The following RBM28 variants were observed in gnomAD, a reference collection of about 807,000 sequenced individuals.
RBM28 encodes RNA binding motif protein 28.
RBM28 carries 78 observed loss-of-function variants against 98.3 expected under a neutral mutation model. That is an observed-to-expected ratio of 0.79 (90% CI 0.66 to 0.96). The LOEUF (loss-of-function observed/expected upper bound fraction) is 0.96. Ranked by LOEUF, RBM28 falls within the 40% of genes least tolerant of loss-of-function variation. The pLI is 0.00. For synonymous variants in RBM28, 306 were observed against 330.9 expected, an observed-to-expected ratio of 0.92 and a Z score of 0.82; for missense variants, 838 against 913.0, an observed-to-expected ratio of 0.92 and a Z score of 1.06.
At chr7:128,327,912 C>A (rs1796389820) in intron 10 of RBM28, among the ~76,000 whole-genome samples, 2 of 152,210 alleles carry the variant, frequency 1.3e-5, no homozygotes, top group Non-Finnish European at 2.9e-5. Context: ...TTTAAATATT[C>A]TCTCAGATGC....
In RBM28 at chr7:128,339,778, A is replaced by G. The variant is rs146401858; in HGVS notation, c.132T>C (p.Cys44=). 2.5e-5 allele frequency: 40 copies of G among 1,613,988 alleles called. No homozygotes were observed. Among genetic ancestry groups the G allele is most frequent in the Non-Finnish European group, 3.4e-5 (40 of 1,179,978 alleles). ...AAAAAGTGACATAGCCAAAGCCTCG[A>G]CATGCCTTACTCCCTGGAATAATGG... The part of the protein sequence containing the change: ...FVVTEKGSKA[C]RGFGYVTFSM... Residue 44 remains cysteine (C), a synonymous_variant, in exon 2 of 19, where the codon TGT becomes TGC. Transcript: ENST00000223073.
Position 128,305,818 on chromosome 7 carries a change from A to G in RBM28, c.*4979T>C, listed in dbSNP as rs1795856339. On this transcript the variant is annotated 3_prime_UTR_variant, in exon 19 of 19. Transcript: ENST00000223073. ...AGACCACAATGCAGGGGAGAGGGAG[A>G]AAAGGGGTGGAAGAGTGACAGGAAC... The G allele has an allele frequency of 6.6e-6, 1 of 152,286 alleles. No individual in the cohort carries two copies. The highest frequency in any genetic ancestry group is 2.4e-5 in the African/African-American group (1 of 41,434). The allele number at this position is 152,286 out of a possible 1,614,324, so 9.4% of individuals were successfully genotyped here. A position where few individuals can be genotyped will look rare whatever the true frequency, so the allele number is the denominator to read the frequency against.
chr7:128,328,745 T>C (rs1012885717), intron 10 of RBM28, among the ~76,000 whole-genome samples: 21 of 152,154 alleles, frequency 1.4e-4, no homozygotes, highest in African/African-American at 4.8e-4. Context: ...AAAAACATTT[T>C]AGAAATGGAA....
intron 18 of RBM28, among the ~76,000 whole-genome samples, chr7:128,312,222 C>A (rs1795999978): frequency 6.6e-6 from 1 of 152,148 alleles, no homozygotes; most frequent in African/African-American, 2.4e-5. Context: ...AGTTCAAGGC[C>A]AGCCTGGTCA....
rs199990732 is a variant in RBM28, at chr7:128,323,492, C to A, written c.1404+35G>T. The A allele has an allele frequency of 9.1e-5, 146 of 1,611,436 alleles. No individual in the cohort carries two copies. The African/African-American group carries it at 1.3e-3, about 14-fold the overall frequency. ...CTATTTTTGATTGATTTATAGGCCA[C>A]GCAGAACGTGAAGGTCAATGCCTAA... On this transcript the variant is annotated intron_variant, in intron 13 of 18. Coordinates refer to ENST00000223073, the MANE Select transcript of RBM28 (RefSeq NM_018077.3).
Position 128,301,814 on chromosome 7 carries a change from G to A in RBM28, c.*8983C>T, listed in dbSNP as rs1389799067. On this transcript the variant is annotated 3_prime_UTR_variant, in exon 19 of 19. Transcript: ENST00000223073. ...AGGGATTCCTAGGGGGTGGCCAAGA[G>A]AAGGAAAGACACCCCCACAGGAAGG... The A allele has an allele frequency of 6.6e-6, 1 of 152,248 alleles. No individual in the cohort carries two copies. Among genetic ancestry groups the A allele is most frequent in the Non-Finnish European group, 1.5e-5 (1 of 68,062 alleles). 9.4% of individuals were successfully genotyped at this position (152,248 alleles called of 1,614,324 possible).
At chr7:128,319,815 A>G (rs745891031) in intron 14 of RBM28, among the ~76,000 whole-genome samples, 23 of 152,218 alleles carry the variant, frequency 1.5e-4, no homozygotes, top group Non-Finnish European at 2.9e-4. Flanking sequence ...GTTCACTGTT[A>G]TAATTCCAGC....
At chr7:128,336,785 G>A (rs3763395) in intron 6 of RBM28, among the ~76,000 whole-genome samples, 35,229 of 152,042 alleles carry the variant, frequency 0.23, 4,439 homozygotes, top group Middle Eastern at 0.35. Context: ...ACGAAGTCTC[G>A]TTTTGTTGCC....
Position 128,317,945 on chromosome 7 carries a change from G to C in RBM28, c.1713+12C>G. 2 of 1,614,096 alleles carry C rather than the reference G, an allele frequency of 1.2e-6. No individual in the cohort carries two copies. The highest frequency in any genetic ancestry group is 1.7e-6 in the Non-Finnish European group (2 of 1,179,976). ...CCTAAGGGAACAAGTCTCCCCAGAG[G>C]ACAAGGCCTACCTTCAGAGGCCCAA... On this transcript the variant is annotated intron_variant, in intron 15 of 18. Transcript: ENST00000223073.
In RBM28 at chr7:128,343,861, T is replaced by C; in HGVS notation, c.-68A>G. ...GGCCGGCGCACGCGAGCCGAAACGC[T>C]GGCTTTGGTAGGACAACCAAGCTCA... On this transcript the variant is annotated 5_prime_UTR_variant, in exon 1 of 19. Coordinates refer to ENST00000223073, the MANE Select transcript of RBM28 (RefSeq NM_018077.3). 2.5e-6 allele frequency: 3 copies of C among 1,190,330 alleles called. No homozygotes were observed. The highest frequency in any genetic ancestry group is 2.8e-5 in the East Asian group (1 of 35,304). The allele number at this position is 1,190,330 out of a possible 1,614,324, so 73.7% of individuals were successfully genotyped here.
In RBM28 at chr7:128,337,188, C is replaced by A; in HGVS notation, c.556G>T (p.Val186Leu). ...MKEIKGRTVAVDWAVAKDKYK... is the reference protein window; with the variant it reads ...MKEIKGRTVALDWAVAKDKYK... ...TTATCCTTTGCCACGGCCCAATCCACAGCCACTGTCCGGCCTGTCAAGCAG... is the reference window on the plus strand; with the variant it reads ...TTATCCTTTGCCACGGCCCAATCCAAAGCCACTGTCCGGCCTGTCAAGCAG... The change falls in exon 6 of 19, where the codon GTG (valine) becomes TTG (leucine). Residue 186 changes from valine to leucine, a missense_variant. By Grantham distance (32) the Val-to-Leu change is conservative. Coordinates refer to ENST00000223073, the MANE Select transcript of RBM28 (RefSeq NM_018077.3). 1 of 1,614,154 alleles carries A rather than the reference C, an allele frequency of 6.2e-7. No individual in the cohort carries two copies. The highest frequency in any genetic ancestry group is 8.5e-7 in the Non-Finnish European group (1 of 1,180,008).
At chr7:128,333,170 C>A in intron 9 of RBM28, 120 bp downstream of exon 9, 2 of 771,796 alleles carry the variant, frequency 2.6e-6, no homozygotes, top group Non-Finnish European at 4.6e-6. Flanking sequence ...GTTCCTGGGA[C>A]CAGATGTGCT....
In RBM28 at chr7:128,335,847, C is replaced by G. The variant is rs1489941525; in HGVS notation, c.809G>C (p.Arg270Thr). The change falls in exon 7 of 19, where the codon AGA becomes ACA. Residue 270 changes from arginine to threonine, a missense_variant and splice_region_variant. Transcript: ENST00000223073. ...TCTCAGAACAGGATGAGCTGCTTAC[C>G]TCTTCTGAATTTGCACAGGCTTGGT... ...KVTKPVQIQKRAVKRPAPAKS... is the reference protein window; with the variant it reads ...KVTKPVQIQKTAVKRPAPAKS... The G allele has an allele frequency of 1.2e-6, 2 of 1,613,994 alleles. No homozygotes were observed. The highest frequency in any genetic ancestry group is 1.7e-6 in the Non-Finnish European group (2 of 1,180,042).
At chr7:128,318,189 G>T in intron 14 of RBM28, 83 bp from the exon 15 acceptor site, 1 of 1,388,702 alleles carries the variant, frequency 7.2e-7, no homozygotes, top group Non-Finnish European at 1.0e-6. Context: ...GAGTCAATAA[G>T]AAATCAGGCT....
intron 5 of RBM28, among the ~76,000 whole-genome samples, chr7:128,337,447 A>G (rs1363640651): frequency 6.6e-6 from 1 of 152,170 alleles, no homozygotes; most frequent in East Asian, 1.9e-4. Context: ...AAGATGGAGT[A>G]AAAAAATAAA....
chr7:128,337,117 C>A lies in RBM28; in HGVS notation c.613+14G>T. The A allele has an allele frequency of 1.2e-6, 2 of 1,613,680 alleles. No individual in the cohort carries two copies. The highest frequency in any genetic ancestry group is 1.7e-5 in the Admixed American group (1 of 60,022). Reference sequence around the variant, plus strand: ...ATACAACGCCCCTACTCACCCAACACTACCACATCTTACCTATAGCAGAAA... The same window carrying A: ...ATACAACGCCCCTACTCACCCAACAATACCACATCTTACCTATAGCAGAAA... On this transcript the variant is annotated intron_variant, in intron 6 of 18. Transcript: ENST00000223073.
rs181380453 is a variant in RBM28, at chr7:128,343,025, G to C, written c.118+651C>G. Among the ~76,000 whole-genome samples, 394 of 152,172 alleles carry C rather than the reference G, an allele frequency of 2.6e-3. 3 individuals are homozygous for C. The highest frequency in any genetic ancestry group is 8.8e-3 in the African/African-American group (366 of 41,516). ...CTTAGCATTTGACATCATTTTCACG[G>C]TTGGCTTGTTTATTGGCTCGTTTAT... On this transcript the variant is annotated intron_variant, in intron 1 of 18. Transcript: ENST00000223073.
chr7:128,336,463 G>A (rs1796602774), intron 6 of RBM28, among the ~76,000 whole-genome samples: 1 of 152,170 alleles, frequency 6.6e-6, no homozygotes, highest in African/African-American at 2.4e-5. Flanking sequence ...TAAACCTCAA[G>A]TTTTAAGTTT....
chr7:128,319,504 A>T (rs1796175926), intron 14 of RBM28, among the ~76,000 whole-genome samples: 1 of 152,226 alleles, frequency 6.6e-6, no homozygotes, highest in Non-Finnish European at 1.5e-5. Flanking sequence ...ATATATTCAC[A>T]TTCTCTCAAG....
Sources: allele counts gnomAD v4.1 joint callset (sites outside exome capture counted in the v4.1 genomes callset), GRCh38; gene constraint gnomAD v4.1.1; transcripts MANE v1.5; gene names NCBI Gene and HGNC (gene_info 2026-07-23, HGNC 2026-07-21).